Variants in MRPS28 observed in about 807,000 individuals in gnomAD.
The protein encoded by MRPS28 is mitochondrial ribosomal protein S28.
A neutral mutation model predicts 10.8 loss-of-function variants in MRPS28; 7 were observed. The observed-to-expected ratio is 0.65, with a 90% confidence interval of 0.37 to 1.22. The LOEUF (loss-of-function observed/expected upper bound fraction) is 1.22. Ranked by LOEUF, MRPS28 falls within the 50% of genes most tolerant of loss-of-function variation. MRPS28 has a pLI of 0.02. For synonymous variants in MRPS28, 121 were observed against 93.3 expected (o/e 1.30, Z -1.71); for missense variants, 265 against 232.9 (o/e 1.14, Z -0.90).
At chr8:79,964,464 T>C (rs760941436) in intron 2 of MRPS28, among the ~76,000 whole-genome samples, 4 of 152,162 alleles carry the variant, frequency 2.6e-5, no homozygotes, top group Non-Finnish European at 4.4e-5. Context: ...ACAAGCTCAA[T>C]TGCTAAATGA....
chr8:80,027,023 T>C (rs569222554), intron 1 of MRPS28, among the ~76,000 whole-genome samples: 11 of 152,076 alleles, frequency 7.2e-5, no homozygotes, highest in Non-Finnish European at 1.6e-4. Context: ...CTTCCCCCAC[T>C]GTCAACATCC....
chr8:79,933,416 T>C (rs1437139201), intron 2 of MRPS28, among the ~76,000 whole-genome samples: 2 of 152,224 alleles, frequency 1.3e-5, no homozygotes, highest in African/African-American at 4.8e-5. Context: ...TATTACTTCC[T>C]TACAGGTTCA....
At chr8:80,014,924 A>G (rs1026902674) in intron 1 of MRPS28, among the ~76,000 whole-genome samples, 3 of 152,328 alleles carry the variant, frequency 2.0e-5, no homozygotes, top group African/African-American at 2.4e-5. Context: ...TGGGGGTCAC[A>G]GGGAAAACTG....
intron 2 of MRPS28, among the ~76,000 whole-genome samples, chr8:79,980,961 C>T (rs1807937015): frequency 6.6e-6 from 1 of 152,174 alleles, no homozygotes; most frequent in Non-Finnish European, 1.5e-5. Context: ...ATATGCTAAA[C>T]TTTACTTTTG....
chr8:79,955,355 C>G (rs1478897112), intron 2 of MRPS28, among the ~76,000 whole-genome samples: 4 of 152,132 alleles, frequency 2.6e-5, no homozygotes, highest in Non-Finnish European at 5.9e-5. Flanking sequence ...CAGGTAGAAG[C>G]CAGGTATTAA....
intron 2 of MRPS28, among the ~76,000 whole-genome samples, chr8:79,991,580 T>C (rs1808362746): frequency 6.6e-6 from 1 of 152,228 alleles, no homozygotes. Flanking sequence ...AAGTAGTGTC[T>C]AATAATATAT....
intron 2 of MRPS28, among the ~76,000 whole-genome samples, chr8:79,985,707 C>A (rs1262132171): frequency 6.6e-6 from 1 of 152,178 alleles, no homozygotes; most frequent in African/African-American, 2.4e-5. Flanking sequence ...ACACATACAA[C>A]CTCCCAAGAC....
intron 2 of MRPS28, among the ~76,000 whole-genome samples, chr8:79,953,616 A>C (rs1807133021): frequency 1.3e-5 from 2 of 152,170 alleles, no homozygotes; most frequent in Non-Finnish European, 2.9e-5. Flanking sequence ...AAACTTCTAA[A>C]ATATATATTA....
At chr8:79,955,872 G>C (rs1361835029) in intron 2 of MRPS28, among the ~76,000 whole-genome samples, 1 of 152,028 alleles carries the variant, frequency 6.6e-6, no homozygotes, top group Non-Finnish European at 1.5e-5. Context: ...GTTATCACTG[G>C]ACAGTACTAA....
chr8:79,919,174 C>T, intron 2 of MRPS28, 26 bp from the exon 3 acceptor site: 2 of 1,487,730 alleles, frequency 1.3e-6, no homozygotes, highest in South Asian at 1.3e-5. Flanking sequence ...AAAAAAAATC[C>T]ATTAATTCTG....
At chr8:80,001,198 T>A (rs997774738) in intron 2 of MRPS28, among the ~76,000 whole-genome samples, 16 of 152,246 alleles carry the variant, frequency 1.1e-4, no homozygotes, top group African/African-American at 3.6e-4. Context: ...GGCACTGCGA[T>A]GGACAGCATC....
At chr8:80,006,029 A>G (rs1228816524) in intron 1 of MRPS28, among the ~76,000 whole-genome samples, 2 of 152,188 alleles carry the variant, frequency 1.3e-5, no homozygotes. Flanking sequence ...CCCACATAAT[A>G]ATAATGGGAG....
chr8:79,985,999 T>C (rs955886405), intron 2 of MRPS28, among the ~76,000 whole-genome samples: 22 of 152,250 alleles, frequency 1.4e-4, no homozygotes, highest in African/African-American at 4.6e-4. Flanking sequence ...ACTAATATCC[T>C]TGATGAACAT....
intron 2 of MRPS28, among the ~76,000 whole-genome samples, chr8:79,953,474 T>G (rs1256699590): frequency 2.0e-5 from 3 of 152,196 alleles, no homozygotes; most frequent in African/African-American, 7.2e-5. Context: ...AGAAGGACAG[T>G]CTTTTTCATA....
At chr8:80,009,573 G>A (rs778784609) in intron 1 of MRPS28, among the ~76,000 whole-genome samples, 1 of 151,816 alleles carries the variant, frequency 6.6e-6, no homozygotes, top group Non-Finnish European at 1.5e-5. Flanking sequence ...CCGAGATCAC[G>A]CCATTTCACT....
chr8:80,022,647 A>T (rs1186175564), intron 1 of MRPS28, among the ~76,000 whole-genome samples: 2 of 152,238 alleles, frequency 1.3e-5, no homozygotes, highest in Admixed American at 6.5e-5. Flanking sequence ...ATTTAGTTTT[A>T]TTCCCAAATC....
intron 2 of MRPS28, among the ~76,000 whole-genome samples, chr8:79,986,866 A>G (rs1808196964): frequency 6.6e-6 from 1 of 152,132 alleles, no homozygotes; most frequent in African/African-American, 2.4e-5. Context: ...TAATTTATAG[A>G]TTCAATGCCA....
intron 2 of MRPS28, among the ~76,000 whole-genome samples, chr8:79,986,284 A>G (rs1313604316): frequency 6.6e-6 from 1 of 152,230 alleles, no homozygotes; most frequent in African/African-American, 2.4e-5. Context: ...TCAAAATAAT[A>G]AGAGCTATCT....
chr8:80,029,721 G>A, intron 1 of MRPS28: 1 of 1,421,112 alleles, frequency 7.0e-7, no homozygotes, highest in Non-Finnish European at 9.3e-7. Context: ...CCCAGGAATC[G>A]CCCTAGATCG....
Sources: gnomAD v4.1 joint callset for allele counts (sites outside exome capture counted in the v4.1 genomes callset) on GRCh38, gnomAD v4.1.1 for gene constraint, MANE v1.5 for transcripts, NCBI Gene and HGNC (gene_info 2026-07-23, HGNC 2026-07-21) for gene names.